Variants in NEB observed in about 807,000 individuals in gnomAD.
NEB encodes nebulin.
NEB carries 512 observed loss-of-function variants against 952.2 expected under a neutral mutation model. The ratio of observed to expected loss-of-function variants is 0.54; its 90% CI spans 0.50 to 0.58. NEB has a LOEUF of 0.58. NEB is among the 20% of genes least tolerant of loss of function. The pLI is 0.00. For missense variants in NEB, 8,428 were observed against 9,231.1 expected, an observed-to-expected ratio of 0.91 and a Z score of 3.56; for synonymous variants, 2,900 against 3,149.8, an observed-to-expected ratio of 0.92 and a Z score of 2.66.
chr2:151,570,371 C>T lies in NEB; in HGVS notation c.17140G>A (p.Glu5714Lys), dbSNP rs769375080. 6.3e-7 allele frequency: 1 copy of T among 1,581,812 alleles called. No homozygotes were observed. The highest frequency in any genetic ancestry group is 1.2e-5 in the South Asian group (1 of 85,736). The stretch of plus-strand genomic sequence containing the variant: ...CCCACGTAGTGTCCCTTCTGCTTCT[C>T]ATGGTCAAGCTTATATTTATACTGG... Reference protein sequence around the residue: ...ASDYKYKLDHEKQKGHYVGTL... With the variant: ...ASDYKYKLDHKKQKGHYVGTL... Residue 5714 changes from glutamate to lysine, a missense_variant, in exon 109 of 182, where the codon GAG (glutamate) becomes AAG (lysine). Physicochemically the swap from Glu to Lys is moderately conservative, Grantham distance 56. Around this residue, in one of 11 missense-constraint regions of NEB, gnomAD observed 3,374 missense variants for 3,651.5 expected, o/e 0.92. Coordinates refer to ENST00000397345, the MANE Select transcript of NEB (RefSeq NM_001164508.2).
chr2:151,674,971 C>T (rs948311839), intron 35 of NEB, among the ~76,000 whole-genome samples: 1 of 152,132 alleles, frequency 6.6e-6, no homozygotes, highest in African/African-American at 2.4e-5. Flanking sequence ...TAAAAGGGAG[C>T]TCATTTATTC....
rs371565168 is a variant in NEB at position 151,644,097 on chromosome 2, G to A, written c.7677C>T (p.Leu2559=). 1.6e-5 allele frequency: 26 copies of A among 1,613,734 alleles called. No homozygotes were observed. Among genetic ancestry groups the A allele is most frequent in the African/African-American group, 8.0e-5 (6 of 74,888 alleles). The change falls in exon 57 of 182, where the codon CTC becomes CTT. Residue 2559 remains leucine (L), a synonymous_variant. Transcript: ENST00000397345. ...YKYKEGFRKQ[L]GHHIGARNIE... Reference sequence around the variant, plus strand: ...TGTTCCGGGCACCAATGTGGTGGCCGAGCTGCTTGCGAAAGCCTTCCTTGT... The same window carrying A: ...TGTTCCGGGCACCAATGTGGTGGCCAAGCTGCTTGCGAAAGCCTTCCTTGT...
At chr2:151,646,810 C>T (rs567250105) in intron 54 of NEB, among the ~76,000 whole-genome samples, 10 of 152,220 alleles carry the variant, frequency 6.6e-5, no homozygotes, top group South Asian at 2.1e-4. Flanking sequence ...CCACCATACC[C>T]GGCTAATTTT....
intron 3 of NEB, among the ~76,000 whole-genome samples, chr2:151,729,868 C>T (rs1157622525): frequency 6.6e-6 from 1 of 152,118 alleles, no homozygotes; most frequent in Non-Finnish European, 1.5e-5. Flanking sequence ...TCCAAATGGA[C>T]AAAGAGATGC....
At chr2:151,519,226 A>C (rs1025018385) in intron 154 of NEB, among the ~76,000 whole-genome samples, 157 bp from the exon 155 acceptor site, 3 of 152,232 alleles carry the variant, frequency 2.0e-5, no homozygotes, top group African/African-American at 7.2e-5. Flanking sequence ...AAACAACCCA[A>C]GTGTCTGTCA....
intron 131 of NEB, among the ~76,000 whole-genome samples, chr2:151,548,015 A>T (rs2094920769): frequency 6.6e-6 from 1 of 152,170 alleles, no homozygotes; most frequent in South Asian, 2.1e-4. Flanking sequence ...CATGAGTCAG[A>T]CTAAAATGCA....
chr2:151,647,329 C>T (rs967004340), intron 54 of NEB, among the ~76,000 whole-genome samples: 3 of 151,930 alleles, frequency 2.0e-5, no homozygotes, highest in South Asian at 4.2e-4. Flanking sequence ...AGGCTGGTCT[C>T]GAACTCCTGA....
intron 9 of NEB, among the ~76,000 whole-genome samples, chr2:151,723,110 G>T (rs1360352360): frequency 6.6e-6 from 1 of 152,216 alleles, no homozygotes; most frequent in Middle Eastern, 3.2e-3. Flanking sequence ...GGGCTCACAA[G>T]CCTGGGCTCT....
intron 60 of NEB, 54 bp downstream of exon 60, chr2:151,642,520 A>G: frequency 6.9e-7 from 1 of 1,446,488 alleles, no homozygotes; most frequent in South Asian, 1.2e-5. Flanking sequence ...TCCAGGAGAG[A>G]GAAATAAATC....
chr2:151,554,116 C>A (rs574785257), intron 125 of NEB, 91 bp from the exon 126 acceptor site: 1 of 1,211,864 alleles, frequency 8.3e-7, no homozygotes, highest in South Asian at 1.3e-5. Flanking sequence ...CAACTCACAG[C>A]GAACAGTTGG....
At chr2:151,694,725 A>G in intron 18 of NEB, 96 bp from the exon 19 acceptor site, 2 of 889,468 alleles carry the variant, frequency 2.2e-6, no homozygotes, top group Middle Eastern at 3.3e-4. Flanking sequence ...ATCTTAATAT[A>G]AAATAAATGG....
chr2:151,492,358 C>A, intron 177 of NEB, 29 bp downstream of exon 177: 1 of 1,589,896 alleles, frequency 6.3e-7, no homozygotes, highest in South Asian at 1.1e-5. Context: ...GACAGGCAGC[C>A]AGCCAATCCT....
In NEB at chr2:151,524,588, T is replaced by G. The variant is rs1322030981; in HGVS notation, c.22301A>C (p.Asn7434Thr). Residue 7434 changes from asparagine to threonine, a missense_variant, in exon 152 of 182, where the codon AAC becomes ACC. By Grantham distance (65) the Asn-to-Thr change is moderately conservative. Transcript: ENST00000397345. ...DVAYRKDAKENLHYTTVADRP... is the reference protein window; with the variant it reads ...DVAYRKDAKETLHYTTVADRP... Reference sequence around the variant, plus strand: ...ATCAGCCACTGTGGTGTAATGCAGGTTCTCTTTGGCATCTTTTCTGTAAGC... The same window carrying G: ...ATCAGCCACTGTGGTGTAATGCAGGGTCTCTTTGGCATCTTTTCTGTAAGC... The G allele has an allele frequency of 6.2e-7, 1 of 1,612,196 alleles. No homozygotes were observed. The highest frequency in any genetic ancestry group is 8.5e-7 in the Non-Finnish European group (1 of 1,179,294).
chr2:151,574,390 T>C (rs555087411), intron 107 of NEB, among the ~76,000 whole-genome samples: 1 of 152,356 alleles, frequency 6.6e-6, no homozygotes, highest in African/African-American at 2.4e-5. Context: ...TTAATCCTGA[T>C]ATGAATGAGA....
intron 25 of NEB, 26 bp from the exon 26 acceptor site, chr2:151,687,759 AATG>A: frequency 6.5e-7 from 1 of 1,546,906 alleles, no homozygotes; most frequent in East Asian, 2.4e-5. Flanking sequence ...TCAGCAAAGG[AATG>A]ATAAGAACAA....
chr2:151,553,725 T>C (rs977178610), intron 126 of NEB, 103 bp downstream of exon 126: 7 of 1,142,500 alleles, frequency 6.1e-6, no homozygotes, highest in East Asian at 2.5e-5. Flanking sequence ...AGGGAAGAGA[T>C]AGTGGAAAAA....
rs746614628 is a variant in NEB at position 151,537,857 on chromosome 2, G to A, written c.21102+15C>T. 3 of 1,514,472 alleles carry A rather than the reference G, an allele frequency of 2.0e-6. No homozygotes were observed. Among genetic ancestry groups the A allele is most frequent in the Non-Finnish European group, 2.7e-6 (3 of 1,114,872 alleles). 93.8% of individuals were successfully genotyped at this position (1,514,472 alleles called of 1,614,324 possible). A position where few individuals can be genotyped will look rare whatever the true frequency, so the allele number is the denominator to read the frequency against. On this transcript the variant is annotated intron_variant, in intron 140 of 181. Transcript: ENST00000397345. ...TATGAATTTATATGTGAAAATAGAA[G>A]ATGTCAACACTCACATCACTGACTG... is the stretch of plus-strand genomic sequence containing the variant.
rs139564587 is a variant in NEB at position 151,619,779 on chromosome 2, A to G, written c.10561-17T>C. 5.0e-6 allele frequency: 8 copies of G among 1,591,618 alleles called. No homozygotes were observed. Among genetic ancestry groups the G allele is most frequent in the African/African-American group, 2.7e-5 (2 of 74,494 alleles). ...GTATTTGTACTGAAAGAGAGAATCC[A>G]GTAAATAAGAAGGAAGCACAAAGGG... On this transcript the variant is annotated splice_polypyrimidine_tract_variant and intron_variant, in intron 72 of 181. Transcript: ENST00000397345.
chr2:151,695,657 C>T lies in NEB; in HGVS notation c.1595G>A (p.Ser532Asn). 1 of 1,613,690 alleles carries T rather than the reference C, an allele frequency of 6.2e-7. No individual in the cohort carries two copies. The change falls in exon 18 of 182, where the codon AGT becomes AAT. Residue 532 changes from serine to asparagine, a missense_variant. Ser to Asn is a conservative substitution (Grantham distance 46). Around this residue, in one of 11 missense-constraint regions of NEB, gnomAD observed 2,851 missense variants for 2,791.5 expected, o/e 1.02. Coordinates refer to ENST00000397345, the MANE Select transcript of NEB (RefSeq NM_001164508.2). ...GGGGATATGGCACTTGAACTTTTCA[C>T]TTTCATGTTTTGCTTTGTAATTTAA... ...SDLNYKAKHESEKFKCHIPPD... is the reference protein window; with the variant it reads ...SDLNYKAKHENEKFKCHIPPD...
Sources: allele counts gnomAD v4.1 joint callset (sites outside exome capture counted in the v4.1 genomes callset), GRCh38; gene constraint gnomAD v4.1.1; regional missense constraint gnomAD v4.1.1; transcripts MANE v1.5; gene names NCBI Gene and HGNC (gene_info 2026-07-23, HGNC 2026-07-21).